The following SMARCA4 variants were observed in gnomAD, a reference collection of about 807,000 sequenced individuals.
SMARCA4 encodes the protein SWI/SNF related BAF chromatin remodeling complex subunit ATPase 4.
A neutral mutation model predicts 193.9 loss-of-function variants in SMARCA4; 31 were observed. The observed-to-expected ratio is 0.16, with a 90% CI of 0.12 to 0.22. The LOEUF (loss-of-function observed/expected upper bound fraction) is 0.22. Among genes scored for constraint, SMARCA4 ranks in the 10% least tolerant of loss-of-function variants. The pLI is 1.00. For synonymous variants in SMARCA4, 942 were observed against 933.1 expected (o/e 1.01, Z -0.17); for missense variants, 1,148 against 2,296.0 (o/e 0.50, Z 10.22).
intron 30 of SMARCA4, among the ~76,000 whole-genome samples, chr19:11,052,175 A>G (rs1440054905): frequency 6.6e-6 from 1 of 152,228 alleles, no homozygotes; most frequent in East Asian, 1.9e-4. Context: ...AAAAGGAAGT[A>G]AAAAAGAAAT....
At position 10,978,610 on chromosome 19, in the gene SMARCA4, G is replaced by A. The variant is rs537023647; in HGVS notation, c.-31-5511G>A. ...CAAAGTGCTGGGATTACAGGTATGA[G>A]CCATCACGCCCGGCCGATACTTTCT... On this transcript the variant is annotated intron_variant, in intron 1 of 34. Coordinates refer to ENST00000344626, the MANE Select transcript of SMARCA4 (RefSeq NM_003072.5). Among the ~76,000 whole-genome samples the A allele has an allele frequency of 1.0e-4, 15 of 150,746 alleles. No homozygotes were observed. In the South Asian group the frequency reaches 2.9e-3, roughly 29 times the overall value.
chr19:10,982,784 G>C (rs757678701), intron 1 of SMARCA4, among the ~76,000 whole-genome samples: 1 of 152,114 alleles, frequency 6.6e-6, no homozygotes, highest in Non-Finnish European at 1.5e-5. Context: ...GATTACAGGC[G>C]TGAGCCACCG....
At position 11,007,921 on chromosome 19, in the gene SMARCA4, C is replaced by T. The variant is rs747463080; in HGVS notation, c.2021C>T (p.Pro674Leu). 62 of 1,613,432 alleles carry T rather than the reference C, an allele frequency of 3.8e-5. No individual in the cohort carries two copies. The highest frequency in any genetic ancestry group is 1.6e-4 in the Middle Eastern group (1 of 6,084). ...TGGTAGGAGGAGGAGGAAGAGCAGC[C>T]GCAGGCAGCACAGCCTCCCACCCTG... is the stretch of plus-strand genomic sequence containing the variant. ...EEEEEEEEEQ[P>L]QAAQPPTLPV... Residue 674 changes from proline (P) to leucine (L), a missense_variant, in exon 14 of 35, where the codon CCG becomes CTG. Around this residue, in one of 17 missense-constraint regions of SMARCA4, gnomAD observed 115 missense variants for 175.1 expected, o/e 0.66. Coordinates refer to ENST00000344626, the MANE Select transcript of SMARCA4 (RefSeq NM_003072.5).
intron 1 of SMARCA4, among the ~76,000 whole-genome samples, chr19:10,979,302 C>T (rs998492961): frequency 6.6e-6 from 1 of 152,024 alleles, no homozygotes; most frequent in Non-Finnish European, 1.5e-5. Flanking sequence ...CTCATAGCAG[C>T]TTGATTTGTG....
intron 13 of SMARCA4, among the ~76,000 whole-genome samples, chr19:11,005,862 A>G (rs1370453956): frequency 6.6e-6 from 1 of 152,170 alleles, no homozygotes; most frequent in African/African-American, 2.4e-5. Flanking sequence ...CAACTCGCTG[A>G]GCTCTGAAAT....
At chr19:11,052,586 A>G (rs995494597) in intron 30 of SMARCA4, among the ~76,000 whole-genome samples, 27 of 152,256 alleles carry the variant, frequency 1.8e-4, no homozygotes, top group African/African-American at 2.6e-4. Flanking sequence ...TCACTTCCCA[A>G]TGTCGGGATC....
rs117651181 is a variant in SMARCA4 at position 11,002,711 on chromosome 19, T to C, written c.1813-318T>C. Among the ~76,000 whole-genome samples, 597 of 147,508 alleles carry C rather than the reference T, an allele frequency of 4.0e-3. 2 individuals are homozygous for C. Among genetic ancestry groups the C allele is most frequent in the Admixed American group, 5.4e-3 (77 of 14,316 alleles). ...TGGGAGACTGAGGCAGAGAATTGCT[T>C]GAACCCAGGAGGCAGAGGTTGTAGT... On this transcript the variant is annotated intron_variant, in intron 11 of 34. Transcript: ENST00000344626.
intron 1 of SMARCA4, among the ~76,000 whole-genome samples, chr19:10,971,796 G>A (rs565947837): frequency 6.7e-6 from 1 of 148,366 alleles, no homozygotes; most frequent in African/African-American, 2.5e-5. Flanking sequence ...TTTTTTGGAG[G>A]GGGGAGATGG....
At chr19:11,024,218 G>A in intron 20 of SMARCA4, 113 bp from the exon 21 acceptor site, 2 of 759,904 alleles carry the variant, frequency 2.6e-6, no homozygotes, top group Non-Finnish European at 4.8e-6. Context: ...ACCCCAGTGT[G>A]CTCTGGTCAG....
intron 1 of SMARCA4, among the ~76,000 whole-genome samples, chr19:10,972,868 T>G (rs1360665331): frequency 6.6e-6 from 1 of 152,178 alleles, no homozygotes; most frequent in Non-Finnish European, 1.5e-5. Flanking sequence ...CCCAGCACTT[T>G]GGGAGGCCAA....
chr19:10,966,225 C>T (rs563385499), intron 1 of SMARCA4, among the ~76,000 whole-genome samples: 2 of 152,028 alleles, frequency 1.3e-5, no homozygotes, highest in East Asian at 3.9e-4. Flanking sequence ...CTCAGGTGAC[C>T]CACCTGCCTC....
Position 11,033,630 on chromosome 19 carries a change from G to T in SMARCA4, c.3774+113G>T. Reference sequence around the variant, plus strand: ...ACTCTTATTTTTTTTGCATCCCTTTGGAGTAAAGGGAGTGTGGGCTGAACG... The same window carrying T: ...ACTCTTATTTTTTTTGCATCCCTTTTGAGTAAAGGGAGTGTGGGCTGAACG... On this transcript the variant is annotated intron_variant, in intron 26 of 34. Coordinates refer to ENST00000344626, the MANE Select transcript of SMARCA4 (RefSeq NM_003072.5). The surrounding 1 kb of genome is among the most constrained non-coding windows in gnomAD (Gnocchi z 9.8). 1 of 815,216 alleles carries T rather than the reference G, an allele frequency of 1.2e-6. No homozygotes were observed. The highest frequency in any genetic ancestry group is 1.4e-5 in the South Asian group (1 of 73,240). 50.5% of individuals were successfully genotyped at this position (815,216 alleles called of 1,614,324 possible).
Position 11,033,474 on chromosome 19 carries a change from G to A in SMARCA4, c.3731G>A (p.Arg1244His), listed in dbSNP as rs1060502060. ...FDQKSSSHER[R>H]AFLQAILEHE... ...CAGAAGTCCTCCAGCCATGAGCGGC[G>A]CGCCTTCCTGCAGGCCATCCTGGAG... Residue 1244 changes from arginine (R) to histidine (H), a missense_variant, in exon 26 of 35, where the codon CGC (arginine) becomes CAC (histidine). This residue lies in a region of SMARCA4 where 13 missense variants were observed against 80.9 expected (regional missense o/e 0.16). Transcript: ENST00000344626. This position sits in a 1 kb window ranked among gnomAD's most constrained non-coding sequence, Gnocchi z 9.8. The A allele has an allele frequency of 1.2e-6, 2 of 1,613,266 alleles. No individual in the cohort carries two copies. The highest frequency in any genetic ancestry group is 1.7e-6 in the Non-Finnish European group (2 of 1,179,966).
chr19:11,033,167 T>C lies in SMARCA4; in HGVS notation c.3547-123T>C, dbSNP rs2075046644. The C allele has an allele frequency of 1.3e-6, 1 of 776,112 alleles. No homozygotes were observed. Among genetic ancestry groups the C allele is most frequent in the Non-Finnish European group, 2.3e-6 (1 of 442,858 alleles). 48.1% of individuals were successfully genotyped at this position (776,112 alleles called of 1,614,324 possible). On this transcript the variant is annotated intron_variant, in intron 25 of 34. Transcript: ENST00000344626. This position sits in a 1 kb window ranked among gnomAD's most constrained non-coding sequence, Gnocchi z 9.8. ...GTTTTCATGCGGCGGCAGGTCAGGCTGGGCAGAATTGTCAGGCCGAGGGTG... is the reference window on the plus strand; with the variant it reads ...GTTTTCATGCGGCGGCAGGTCAGGCCGGGCAGAATTGTCAGGCCGAGGGTG...
At chr19:11,040,612 C>A (rs937895888) in intron 29 of SMARCA4, 3 of 137,820 alleles carry the variant, frequency 2.2e-5, no homozygotes, top group East Asian at 4.6e-4. Flanking sequence ...AAAAAAAAAT[C>A]TTAAAAAGAA....
At chr19:11,024,489 G>A (rs1359381326) in intron 21 of SMARCA4, 51 bp downstream of exon 21, 1 of 1,179,684 alleles carries the variant, frequency 8.5e-7, no homozygotes, top group South Asian at 1.2e-5. Context: ...TCCAAGGCCG[G>A]CAGCGTGGCA....
rs372946407 is a variant in SMARCA4 at position 11,004,870 on chromosome 19, C to T, written c.2001+1473C>T. 9.5e-4 allele frequency among the ~76,000 whole-genome samples: 142 copies of T among 149,944 alleles called. 2 individuals are homozygous for T. In the South Asian group the frequency reaches 0.025, roughly 26 times the overall value. ...CTTTTTTTTTTTTGAGACGGAGTCT[C>T]GCTCTGTCACCCAGGCTGGAGTGCA... On this transcript the variant is annotated intron_variant, in intron 13 of 34. Coordinates refer to ENST00000344626, the MANE Select transcript of SMARCA4 (RefSeq NM_003072.5).
In SMARCA4 at chr19:11,033,973, T is replaced by C. The variant is rs992915721; in HGVS notation, c.3873+108T>C. 2.5e-5 allele frequency: 19 copies of C among 752,338 alleles called. No homozygotes were observed. Among genetic ancestry groups the C allele is most frequent in the Admixed American group, 1.8e-4 (10 of 54,654 alleles). The allele number at this position is 752,338 out of a possible 1,614,324, so 46.6% of individuals were successfully genotyped here. A position where few individuals can be genotyped will look rare whatever the true frequency, so the allele number is the denominator to read the frequency against. Reference sequence around the variant, plus strand: ...GAGCGTGCGTGTGCGTGTGCGTGTGTGTGCCTTTCGCTGCCGTGTGGGTCC... The same window carrying C: ...GAGCGTGCGTGTGCGTGTGCGTGTGCGTGCCTTTCGCTGCCGTGTGGGTCC... On this transcript the variant is annotated intron_variant, in intron 27 of 34. Transcript: ENST00000344626. The surrounding 1 kb of genome is among the most constrained non-coding windows in gnomAD (Gnocchi z 9.8).
intron 30 of SMARCA4, among the ~76,000 whole-genome samples, chr19:11,049,659 G>T (rs1774899430): frequency 6.6e-6 from 1 of 152,154 alleles, no homozygotes; most frequent in Non-Finnish European, 1.5e-5. Flanking sequence ...CCGCATGTGT[G>T]TCAGGGGGCA....
Sources: gnomAD v4.1 joint callset for allele counts (sites outside exome capture counted in the v4.1 genomes callset) on GRCh38, gnomAD v4.1.1 for gene constraint, gnomAD v4.1.1 regional missense constraint, Gnocchi (gnomAD v3.1) non-coding constraint, MANE v1.5 for transcripts, NCBI Gene and HGNC (gene_info 2026-07-23, HGNC 2026-07-21) for gene names.